Variants in HEATR5A observed in about 807,000 individuals in gnomAD.
The protein encoded by HEATR5A is HEAT repeat containing 5A.
HEATR5A carries 178 observed loss-of-function variants against 218.8 expected under a neutral mutation model. The ratio of observed to expected loss-of-function variants is 0.81; its 90% CI spans 0.72 to 0.92. The LOEUF (loss-of-function observed/expected upper bound fraction) is 0.92. Ranked by LOEUF, HEATR5A falls within the 40% of genes least tolerant of loss-of-function variation. The probability of loss-of-function intolerance (pLI) is 0.00; values close to 1 mark genes in which losing one functional copy is unlikely to be tolerated. For synonymous variants in HEATR5A, 864 were observed against 871.6 expected (o/e 0.99, Z 0.15); for missense variants, 2,420 against 2,418.9 (o/e 1.00, Z -0.01).
At position 31,302,290 on chromosome 14, in the gene HEATR5A, A is replaced by C. The variant is rs1198045255; in HGVS notation, c.5464+5T>G. ...ACTGAACTGCTTCCAAATAGCCTCA[A>C]TTACCTGGATCCCAACAGTCAAGAA... On this transcript the variant is annotated splice_donor_5th_base_variant and intron_variant, in intron 33 of 35. Transcript: ENST00000543095. 6.3e-7 allele frequency: 1 copy of C among 1,574,832 alleles called. No individual in the cohort carries two copies. The highest frequency in any genetic ancestry group is 1.8e-5 in the Admixed American group (1 of 54,450).
At chr14:31,357,779 T>G (rs545016705) in intron 16 of HEATR5A, among the ~76,000 whole-genome samples, 1 of 152,218 alleles carries the variant, frequency 6.6e-6, no homozygotes, top group Non-Finnish European at 1.5e-5. Context: ...TTAACGAGGC[T>G]TTGCTCATAT....
chr14:31,419,661 G>A (rs1325299434), intron 1 of HEATR5A, among the ~76,000 whole-genome samples: 4 of 152,190 alleles, frequency 2.6e-5, no homozygotes, highest in Admixed American at 6.5e-5. Context: ...AGGAGCTCAA[G>A]CCATTTTATT....
intron 13 of HEATR5A, among the ~76,000 whole-genome samples, chr14:31,364,780 T>C (rs1288514824): frequency 6.6e-6 from 1 of 152,126 alleles, no homozygotes; most frequent in Admixed American, 6.5e-5. Flanking sequence ...CTCTTCTTTA[T>C]CTTCTGTTCA....
intron 21 of HEATR5A, among the ~76,000 whole-genome samples, chr14:31,340,790 A>AT (rs60426665): frequency 0.11 from 16,976 of 152,280 alleles, 1,326 homozygotes; most frequent in East Asian, 0.36. Flanking sequence ...TCAAGTAGAC[A>AT]TAAGTGTTGA....
rs933141577 is a variant in HEATR5A, at chr14:31,389,094, C to T, written c.773-89G>A. ...TTTGCAAAAAGCATGTTAATAGAAA[C>T]AAAAATAAACTAAAAATTCAAACAA... On this transcript the variant is annotated intron_variant, in intron 6 of 35. Coordinates refer to ENST00000543095, the MANE Select transcript of HEATR5A (RefSeq NM_015473.4). 10 of 1,179,730 alleles carry T rather than the reference C, an allele frequency of 8.5e-6. No homozygotes were observed. The African/African-American group carries it at 1.2e-4, about 14-fold the overall frequency. The allele number at this position is 1,179,730 out of a possible 1,614,324, so 73.1% of individuals were successfully genotyped here. A position where few individuals can be genotyped will look rare whatever the true frequency, so the allele number is the denominator to read the frequency against.
intron 16 of HEATR5A, 51 bp from the exon 17 acceptor site, chr14:31,350,768 GTT>G: frequency 1.4e-6 from 1 of 695,064 alleles, no homozygotes; most frequent in East Asian, 2.9e-5. Context: ...GTTTTTGTTT[GTT>G]TGTTTGTTTG....
chr14:31,319,010 T>G (rs1221617328), intron 25 of HEATR5A, among the ~76,000 whole-genome samples: 1 of 152,186 alleles, frequency 6.6e-6, no homozygotes, highest in Admixed American at 6.5e-5. Flanking sequence ...CAGAGACAAT[T>G]AAGAGATTCC....
intron 25 of HEATR5A, among the ~76,000 whole-genome samples, chr14:31,319,029 A>C (rs529357203): frequency 3.9e-5 from 6 of 152,026 alleles, no homozygotes; most frequent in Non-Finnish European, 8.8e-5. Context: ...CCTAATAATA[A>C]TTTTCCTTTA....
intron 24 of HEATR5A, among the ~76,000 whole-genome samples, chr14:31,322,817 TAA>T (rs376742735): frequency 1.1e-4 from 11 of 101,096 alleles, no homozygotes; most frequent in Admixed American, 2.3e-4. Flanking sequence ...AAATGCTGTC[TAA>T]AAAAAAAAAA....
intron 10 of HEATR5A, among the ~76,000 whole-genome samples, chr14:31,381,544 A>C: frequency 7.8e-6 from 1 of 127,992 alleles, no homozygotes; most frequent in Admixed American, 9.0e-5. Flanking sequence ...ATAAAGAAAG[A>C]CCATGTCTCC....
chr14:31,351,508 G>GA (rs71430949), intron 16 of HEATR5A, among the ~76,000 whole-genome samples: 2,156 of 129,244 alleles, frequency 0.017, 34 homozygotes, highest in African/African-American at 0.056. Context: ...AAGAAAGAAA[G>GA]AAAAAAAAAA....
chr14:31,372,511 T>C lies in HEATR5A; in HGVS notation c.1862-602A>G, dbSNP rs532933535. On this transcript the variant is annotated intron_variant, in intron 12 of 35. Coordinates refer to ENST00000543095, the MANE Select transcript of HEATR5A (RefSeq NM_015473.4). ...TAACTTTCTATAATGAATTACTTTG[T>C]ATGTAGAATAAGATGAGTATTTTAA... 1.6e-4 allele frequency among the ~76,000 whole-genome samples: 25 copies of C among 152,220 alleles called. No homozygotes were observed. The South Asian group carries it at 4.8e-3, about 29-fold the overall frequency.
chr14:31,342,683 A>G (rs895271799), intron 21 of HEATR5A, among the ~76,000 whole-genome samples: 1 of 152,180 alleles, frequency 6.6e-6, no homozygotes, highest in Non-Finnish European at 1.5e-5. Context: ...GGAATAATGA[A>G]ATGAGGACTG....
intron 16 of HEATR5A, among the ~76,000 whole-genome samples, chr14:31,354,964 G>A (rs1414132241): frequency 7.2e-5 from 11 of 152,086 alleles, no homozygotes; most frequent in Admixed American, 7.2e-4. Flanking sequence ...AACTTTCAGT[G>A]CCCACCACCA....
chr14:31,416,273 C>T (rs564840862), intron 1 of HEATR5A, among the ~76,000 whole-genome samples: 3 of 152,078 alleles, frequency 2.0e-5, no homozygotes, highest in East Asian at 1.9e-4. Flanking sequence ...CCGGCCACCA[C>T]GCCCGGCTAA....
intron 33 of HEATR5A, among the ~76,000 whole-genome samples, chr14:31,298,190 T>C (rs953056794): frequency 6.6e-6 from 1 of 152,156 alleles, no homozygotes; most frequent in Non-Finnish European, 1.5e-5. Context: ...TAGAACCACA[T>C]AGCTAAACTG....
intron 14 of HEATR5A, among the ~76,000 whole-genome samples, chr14:31,360,698 T>C (rs896949941): frequency 3.3e-5 from 5 of 152,174 alleles, no homozygotes; most frequent in Admixed American, 6.5e-5. Flanking sequence ...CTTTGAGCAA[T>C]TGCACCAGGA....
chr14:31,326,160 T>C lies in HEATR5A; in HGVS notation c.3547+3A>G, dbSNP rs749439153. On this transcript the variant is annotated splice_donor_region_variant and intron_variant, in intron 23 of 35. Coordinates refer to ENST00000543095, the MANE Select transcript of HEATR5A (RefSeq NM_015473.4). ...ATTTTAACTGATAATGTCCAATACTTACCAGCTGATGCAGCAAGTACATCT... is the reference window on the plus strand; with the variant it reads ...ATTTTAACTGATAATGTCCAATACTCACCAGCTGATGCAGCAAGTACATCT... 3 of 1,609,874 alleles carry C rather than the reference T, an allele frequency of 1.9e-6. No individual in the cohort carries two copies. The highest frequency in any genetic ancestry group is 3.3e-5 in the Admixed American group (2 of 59,982).
intron 22 of HEATR5A, among the ~76,000 whole-genome samples, chr14:31,330,541 C>A (rs1900428783): frequency 5.3e-5 from 8 of 152,100 alleles, no homozygotes. Context: ...GTAATCCCAG[C>A]ACTTTGGGAG....
Sources: gnomAD v4.1 joint callset for allele counts (sites outside exome capture counted in the v4.1 genomes callset) on GRCh38, gnomAD v4.1.1 for gene constraint, MANE v1.5 for transcripts, NCBI Gene and HGNC (gene_info 2026-07-23, HGNC 2026-07-21) for gene names.